Variants in DLG2 observed in about 807,000 individuals in gnomAD.
DLG2 encodes discs large MAGUK scaffold protein 2.
A neutral mutation model predicts 132.5 loss-of-function variants in DLG2; 45 were observed. That is an observed-to-expected ratio of 0.34 (90% CI 0.27 to 0.44). DLG2 has a LOEUF of 0.44. DLG2 is among the 20% of genes least tolerant of loss of function. The pLI is 1.00. For synonymous variants in DLG2, 424 were observed against 419.6 expected, an observed-to-expected ratio of 1.01 and a Z score of -0.13; for missense variants, 1,045 against 1,196.9, an observed-to-expected ratio of 0.87 and a Z score of 1.87.
At chr11:85,377,711 A>G (rs2085514804) in intron 3 of DLG2, among the ~76,000 whole-genome samples, 1 of 150,840 alleles carries the variant, frequency 6.6e-6, no homozygotes, top group African/African-American at 2.4e-5. Flanking sequence ...ATATTCTATG[A>G]TTCTGAGACA....
chr11:83,673,602 G>A (rs1339119607), intron 18 of DLG2, among the ~76,000 whole-genome samples: 2 of 152,094 alleles, frequency 1.3e-5, no homozygotes, highest in Non-Finnish European at 2.9e-5. Flanking sequence ...TATTTCCTTG[G>A]GTTTGCTACT....
chr11:84,563,630 G>C (rs539718616), intron 6 of DLG2, among the ~76,000 whole-genome samples: 1 of 152,270 alleles, frequency 6.6e-6, no homozygotes, highest in Admixed American at 6.5e-5. Flanking sequence ...GCAGTGAAAA[G>C]GCAGACTCTA....
chr11:85,067,481 T>C (rs1456262485), intron 6 of DLG2, among the ~76,000 whole-genome samples: 3 of 151,892 alleles, frequency 2.0e-5, no homozygotes, highest in South Asian at 2.1e-4. Context: ...TGTGGGTATT[T>C]AGTGCTATAA....
chr11:84,176,303 C>A (rs2095964516), intron 8 of DLG2, among the ~76,000 whole-genome samples: 1 of 131,842 alleles, frequency 7.6e-6, no homozygotes, highest in South Asian at 2.6e-4. Flanking sequence ...TTACTATATG[C>A]TAAGCAGTAA....
intron 6 of DLG2, among the ~76,000 whole-genome samples, chr11:84,752,413 A>T (rs75555600): frequency 0.015 from 2,312 of 152,188 alleles, 75 homozygotes; most frequent in African/African-American, 0.052. Flanking sequence ...ATAACTTTTT[A>T]AAAAAACTGT....
intron 6 of DLG2, among the ~76,000 whole-genome samples, chr11:84,927,117 A>C (rs1276337824): frequency 6.6e-6 from 1 of 152,044 alleles, no homozygotes; most frequent in Non-Finnish European, 1.5e-5. Context: ...AATACTTTAA[A>C]AAACATAACC....
At chr11:84,791,924 T>A (rs2073906572) in intron 6 of DLG2, among the ~76,000 whole-genome samples, 1 of 152,174 alleles carries the variant, frequency 6.6e-6, no homozygotes, top group Non-Finnish European at 1.5e-5. Context: ...GCCTTTTATA[T>A]CTTTCTATTG....
chr11:84,265,837 T>C (rs2097620457), intron 7 of DLG2, among the ~76,000 whole-genome samples: 1 of 152,054 alleles, frequency 6.6e-6, no homozygotes. Context: ...AATATCTAAA[T>C]GAAGCTTCAA....
chr11:85,533,509 G>T (rs1014497511), intron 3 of DLG2, among the ~76,000 whole-genome samples: 6 of 150,362 alleles, frequency 4.0e-5, no homozygotes, highest in African/African-American at 1.5e-4. Flanking sequence ...GCATTCCAGG[G>T]TGTATACGTA....
intron 8 of DLG2, among the ~76,000 whole-genome samples, chr11:84,174,673 G>A (rs1218730713): frequency 6.6e-6 from 1 of 152,132 alleles, no homozygotes; most frequent in Non-Finnish European, 1.5e-5. Flanking sequence ...TGCCTTTATG[G>A]AGCTGCATTC....
chr11:85,313,234 T>C (rs960526262), intron 3 of DLG2, among the ~76,000 whole-genome samples: 3 of 151,976 alleles, frequency 2.0e-5, no homozygotes, highest in African/African-American at 7.2e-5. Context: ...ATCCAAAGAG[T>C]GACCTTCAGA....
At chr11:83,662,450 G>A (rs752622581) in intron 18 of DLG2, among the ~76,000 whole-genome samples, 9 of 152,196 alleles carry the variant, frequency 5.9e-5, no homozygotes, top group Admixed American at 5.9e-4. Flanking sequence ...AGGAGGCGGA[G>A]TGTTATATTC....
chr11:84,316,846 A>T, intron 7 of DLG2: 1 of 1,612,402 alleles, frequency 6.2e-7, no homozygotes, highest in Non-Finnish European at 8.5e-7. Flanking sequence ...TGAACCAACC[A>T]TGTGGGCAGG....
rs556296916 is a variant in DLG2, at chr11:84,902,588, T to G, written c.357+209073A>C. Among the ~76,000 whole-genome samples the G allele has an allele frequency of 2.0e-5, 3 of 152,310 alleles. No homozygotes were observed. The South Asian group carries it at 6.2e-4, about 32-fold the overall frequency. On this transcript the variant is annotated intron_variant, in intron 6 of 27. Coordinates refer to ENST00000376104, the MANE Select transcript of DLG2 (RefSeq NM_001142699.3). ...TCCGTAGCTATTCTCCTTTCACTTT[T>G]CACAGTTGCCCTGGGAAATGTTATC...
In DLG2 at chr11:84,962,999, C is replaced by T. The variant is rs538919916; in HGVS notation, c.357+148662G>A. On this transcript the variant is annotated intron_variant, in intron 6 of 27. Transcript: ENST00000376104. ...TTAGAGAGACTCATTATCTCTTATC[C>T]CTTACCTTCTAAATATTCTCTATAG... Among the ~76,000 whole-genome samples the T allele has an allele frequency of 5.3e-5, 8 of 152,214 alleles. No individual in the cohort carries two copies. The South Asian group carries it at 1.7e-3, about 32-fold the overall frequency.
At chr11:83,861,459 C>T (rs2061442844) in intron 16 of DLG2, among the ~76,000 whole-genome samples, 1 of 152,018 alleles carries the variant, frequency 6.6e-6, no homozygotes, top group Non-Finnish European at 1.5e-5. Flanking sequence ...TTTATAATAG[C>T]CAAGATTTGG....
At chr11:84,325,568 G>T (rs1250984920) in intron 7 of DLG2, among the ~76,000 whole-genome samples, 2 of 152,034 alleles carry the variant, frequency 1.3e-5, no homozygotes, top group Non-Finnish European at 2.9e-5. Flanking sequence ...AATTTCGTAT[G>T]TTGAACCATT....
rs140933973 is a variant in DLG2 at position 84,479,784 on chromosome 11, AAG to A, written c.519+54784_519+54785del. 5.3e-3 allele frequency among the ~76,000 whole-genome samples: 809 copies of A among 152,266 alleles called. 9 individuals carry two copies. The highest frequency in any genetic ancestry group is 0.019 in the African/African-American group (783 of 41,564). ...TTGGAGCTTCAGTATAATAGGTAGG[AAG>A]ACTTAGTTTAAAGGAAACTACATTA... On this transcript the variant is annotated intron_variant, in intron 7 of 27. Transcript: ENST00000376104.
intron 6 of DLG2, among the ~76,000 whole-genome samples, chr11:84,714,531 TTC>T: frequency 9.5e-6 from 1 of 105,158 alleles, no homozygotes; most frequent in South Asian, 2.8e-4. Context: ...CATTTCCTCT[TTC>T]TCTTTCTCTT....
Sources: allele counts gnomAD v4.1 joint callset (sites outside exome capture counted in the v4.1 genomes callset), GRCh38; gene constraint gnomAD v4.1.1; transcripts MANE v1.5; gene names NCBI Gene and HGNC (gene_info 2026-07-23, HGNC 2026-07-21).